Variants in THSD4 observed in about 807,000 individuals in gnomAD.
THSD4 encodes thrombospondin type 1 domain containing 4.
Under a neutral mutation model 119.0 loss-of-function variants are expected in THSD4, and 69 were observed. The observed-to-expected ratio is 0.58, with a 90% CI of 0.48 to 0.71. THSD4 has a LOEUF of 0.71. THSD4 is among the 30% of genes least tolerant of loss of function. The pLI is 0.00. For missense variants in THSD4, 1,393 were observed against 1,391.1 expected (o/e 1.00, Z -0.02); for synonymous variants, 524 against 540.4 (o/e 0.97, Z 0.42).
chr15:71,658,117 C>A (rs1437369115), intron 7 of THSD4, among the ~76,000 whole-genome samples: 2 of 152,214 alleles, frequency 1.3e-5, no homozygotes, highest in Admixed American at 1.3e-4. Flanking sequence ...CCGCTCCACA[C>A]TGCAGTCATT....
intron 8 of THSD4, among the ~76,000 whole-genome samples, chr15:71,701,445 T>A (rs1021149293): frequency 6.6e-6 from 1 of 152,146 alleles, no homozygotes; most frequent in Non-Finnish European, 1.5e-5. Context: ...AGCAAACCCT[T>A]GATTTAGCAA....
At chr15:71,223,574 A>G (rs1205313999) in intron 4 of THSD4, among the ~76,000 whole-genome samples, 1 of 152,124 alleles carries the variant, frequency 6.6e-6, no homozygotes, top group Non-Finnish European at 1.5e-5. Context: ...CCTTGTTTAA[A>G]GTTTTGTTGT....
chr15:71,724,531 A>T (rs28616662), intron 8 of THSD4, among the ~76,000 whole-genome samples: 135,010 of 151,064 alleles, frequency 0.89, 62,057 homozygotes, highest in Non-Finnish European at 1. Context: ...GTGATCCGCC[A>T]GCCTCAGCCT....
chr15:71,513,054 T>C (rs1238994641), intron 7 of THSD4, among the ~76,000 whole-genome samples: 5 of 152,368 alleles, frequency 3.3e-5, no homozygotes, highest in African/African-American at 1.2e-4. Flanking sequence ...TCAGGAATGA[T>C]AATCATGACA....
At chr15:71,567,065 G>C (rs2140892027) in intron 7 of THSD4, among the ~76,000 whole-genome samples, 1 of 152,288 alleles carries the variant, frequency 6.6e-6, no homozygotes, top group East Asian at 1.9e-4. Flanking sequence ...AACGCTAAAA[G>C]TTAATTTATG....
intron 8 of THSD4, among the ~76,000 whole-genome samples, chr15:71,673,617 G>T (rs1026102188): frequency 6.6e-6 from 1 of 152,166 alleles, no homozygotes; most frequent in Non-Finnish European, 1.5e-5. Flanking sequence ...GCTTTCTCTT[G>T]TGGGCATTTA....
chr15:71,606,950 A>C (rs1181333994), intron 7 of THSD4, among the ~76,000 whole-genome samples: 1 of 152,220 alleles, frequency 6.6e-6, no homozygotes, highest in Non-Finnish European at 1.5e-5. Context: ...TTAGGGATGC[A>C]TGAGTGGAAT....
At chr15:71,576,700 C>T (rs1180980988) in intron 7 of THSD4, among the ~76,000 whole-genome samples, 1 of 152,200 alleles carries the variant, frequency 6.6e-6, no homozygotes, top group Non-Finnish European at 1.5e-5. Context: ...AGGACACTTT[C>T]TCTTATATCA....
chr15:71,460,363 T>C (rs1358663693), intron 7 of THSD4, among the ~76,000 whole-genome samples: 1 of 138,408 alleles, frequency 7.2e-6, no homozygotes, highest in East Asian at 2.1e-4. Context: ...ACCCCAGGAG[T>C]AGATTGAATG....
chr15:71,625,493 CAAATA>C (rs940862154), intron 7 of THSD4, among the ~76,000 whole-genome samples: 9 of 152,088 alleles, frequency 5.9e-5, no homozygotes, highest in African/African-American at 1.7e-4. Flanking sequence ...ATTCTGCACT[CAAATA>C]AAAGAGAAAA....
At chr15:71,326,839 C>G (rs1214535413) in intron 6 of THSD4, among the ~76,000 whole-genome samples, 1 of 148,212 alleles carries the variant, frequency 6.7e-6, no homozygotes, top group African/African-American at 2.5e-5. Context: ...TACCACTGCA[C>G]TGAAGTTTGG....
intron 7 of THSD4, among the ~76,000 whole-genome samples, chr15:71,607,485 C>T (rs532462339): frequency 6.6e-6 from 1 of 152,320 alleles, no homozygotes; most frequent in Non-Finnish European, 1.5e-5. Flanking sequence ...GTATGTTGTC[C>T]ACACTTGAAG....
intron 4 of THSD4, among the ~76,000 whole-genome samples, chr15:71,220,524 G>A (rs185159387): frequency 1.3e-5 from 2 of 152,216 alleles, no homozygotes; most frequent in East Asian, 3.9e-4. Context: ...TATCATGTGG[G>A]GTTGTTGAAT....
chr15:71,195,558 A>G (rs1548055), intron 3 of THSD4, among the ~76,000 whole-genome samples: 151,824 of 152,308 alleles, frequency 1, 75,672 homozygotes, highest in Non-Finnish European at 1. Flanking sequence ...GGGAGGGCCA[A>G]TAACAAGTCC....
At chr15:71,603,780 G>C (rs945441499) in intron 7 of THSD4, among the ~76,000 whole-genome samples, 1 of 152,192 alleles carries the variant, frequency 6.6e-6, no homozygotes, top group Admixed American at 6.5e-5. Context: ...ATGGGCCATG[G>C]TGCATTAGGA....
intron 8 of THSD4, among the ~76,000 whole-genome samples, chr15:71,670,463 CT>C (rs1045287420): frequency 1.3e-5 from 2 of 149,088 alleles, no homozygotes; most frequent in African/African-American, 5.0e-5. Context: ...GCCACATTTT[CT>C]TTTTTTGTTT....
Position 71,406,053 on chromosome 15 carries a change from A to G in THSD4, c.1016-5634A>G, listed in dbSNP as rs536629410. Among the ~76,000 whole-genome samples the G allele has an allele frequency of 8.6e-4, 131 of 152,098 alleles. 1 individual carries two copies. Among genetic ancestry groups the G allele is most frequent in the African/African-American group, 3.1e-3 (127 of 41,498 alleles). On this transcript the variant is annotated intron_variant, in intron 6 of 17. Transcript: ENST00000261862. ...CCTCCTGCCTTGGACTCCCAAAGTTACAGGTTACACGCATGAGCACCGTCC... is the reference window on the plus strand; with the variant it reads ...CCTCCTGCCTTGGACTCCCAAAGTTGCAGGTTACACGCATGAGCACCGTCC...
chr15:71,434,462 TAATTTCTGAAGGGG>T (rs2046983703), intron 7 of THSD4, among the ~76,000 whole-genome samples: 7 of 124,842 alleles, frequency 5.6e-5, no homozygotes, highest in African/African-American at 9.0e-5. Context: ...TTTTTTTTTT[TAATTTCTGAAGGGG>T]TTTAAGGATT....
At chr15:71,114,767 C>T (rs1055427822), upstream of THSD4, among the ~76,000 whole-genome samples, 1 of 151,940 alleles carries the variant, frequency 6.6e-6, no homozygotes, top group Non-Finnish European at 1.5e-5. Flanking sequence ...TTTTTTTCCC[C>T]AACAAAATAT....
Sources: gnomAD v4.1 joint callset for allele counts (sites outside exome capture counted in the v4.1 genomes callset) on GRCh38, gnomAD v4.1.1 for gene constraint, MANE v1.5 for transcripts, NCBI Gene and HGNC (gene_info 2026-07-23, HGNC 2026-07-21) for gene names.